Variants in MRC1 observed in about 807,000 individuals in gnomAD.
MRC1 encodes the protein mannose receptor C-type 1.
In MRC1, 62 loss-of-function variants were observed where a neutral mutation model predicts 102.9. The ratio of observed to expected loss-of-function variants is 0.60; its 90% CI spans 0.49 to 0.74. The LOEUF is 0.74. MRC1 is among the 30% of genes least tolerant of loss of function. The pLI is 0.00. For missense variants in MRC1, 1,237 were observed against 862.8 expected, an observed-to-expected ratio of 1.43 and a Z score of -5.43; for synonymous variants, 457 against 298.4, an observed-to-expected ratio of 1.53 and a Z score of -5.48.
In MRC1 at chr10:17,901,341, G is replaced by T. The variant is rs1833825505; in HGVS notation, c.3649+388G>T. ...ATTAGGATCCCAGAAAAGGAAAACAGTGACTTAAAAAAGGAAAGTCACTTT... is the reference window on the plus strand; with the variant it reads ...ATTAGGATCCCAGAAAAGGAAAACATTGACTTAAAAAAGGAAAGTCACTTT... On this transcript the variant is annotated intron_variant, in intron 25 of 29. Transcript: ENST00000569591. Among the ~76,000 whole-genome samples the T allele has an allele frequency of 2.0e-5, 3 of 152,222 alleles. No homozygotes were observed. The South Asian group carries it at 6.2e-4, about 32-fold the overall frequency.
At chr10:17,831,270 A>G (rs1387554772) in intron 3 of MRC1, among the ~76,000 whole-genome samples, 2 of 151,254 alleles carry the variant, frequency 1.3e-5, no homozygotes, top group Admixed American at 1.3e-4. Context: ...ATCTTCAAAT[A>G]TACCCCAAAT....
intron 12 of MRC1, among the ~76,000 whole-genome samples, chr10:17,868,476 C>T (rs1833309534): frequency 6.6e-6 from 1 of 152,214 alleles, no homozygotes; most frequent in African/African-American, 2.4e-5. Context: ...CCAATCACTT[C>T]CCTCCCTCAA....
chr10:17,846,209 G>C (rs1554840219), intron 6 of MRC1, among the ~76,000 whole-genome samples: 1 of 151,678 alleles, frequency 6.6e-6, no homozygotes, highest in East Asian at 1.9e-4. Flanking sequence ...TGCCTGGCCT[G>C]TAACTGAATT....
chr10:17,858,306 T>G (rs2130655807), intron 9 of MRC1, among the ~76,000 whole-genome samples: 2 of 152,306 alleles, frequency 1.3e-5, no homozygotes. Context: ...ACACTAATTC[T>G]TCTTCAGTTT....
In MRC1 at chr10:17,910,572, C is replaced by T; in HGVS notation, c.*107C>T. 1 of 746,738 alleles carries T rather than the reference C, an allele frequency of 1.3e-6. No homozygotes were observed. Among genetic ancestry groups the T allele is most frequent in the East Asian group, 2.4e-5 (1 of 40,856 alleles). 46.3% of individuals were successfully genotyped at this position (746,738 alleles called of 1,614,324 possible). ...TCTTTAAAATGAGTACTGAATTGTA[C>T]TGGTCTGTCCTTTTTTCCTTTGCCT... On this transcript the variant is annotated 3_prime_UTR_variant, in exon 30 of 30. Transcript: ENST00000569591.
At chr10:17,836,686 A>G (rs1361215098) in intron 4 of MRC1, among the ~76,000 whole-genome samples, 2 of 152,006 alleles carry the variant, frequency 1.3e-5, no homozygotes, top group East Asian at 3.9e-4. Flanking sequence ...AATACAAAAA[A>G]TTAGCTGGGC....
intron 4 of MRC1, among the ~76,000 whole-genome samples, chr10:17,835,248 C>G (rs1171306192): frequency 6.6e-6 from 1 of 152,198 alleles, no homozygotes; most frequent in Admixed American, 6.5e-5. Context: ...CTTATTACCA[C>G]TTTTATTAGT....
intron 22 of MRC1, among the ~76,000 whole-genome samples, chr10:17,890,400 A>G (rs1833655570): frequency 6.6e-6 from 1 of 152,166 alleles, no homozygotes; most frequent in South Asian, 2.1e-4. Flanking sequence ...TTATTGCTTC[A>G]AATTATACTT....
rs1239949511 is a variant in MRC1, at chr10:17,849,613, G to C, written c.1098G>C (p.Trp366Cys). Residue 366 changes from tryptophan to cysteine, a missense_variant, in exon 7 of 30, where the codon TGG becomes TGC. By Grantham distance (215) the Trp-to-Cys change is radical. Coordinates refer to ENST00000569591, the MANE Select transcript of MRC1 (RefSeq NM_002438.4). ...TGCCTACTCACTGTCCTAGTCAGTG[G>C]TGGCCGTATGCCGGTCACTGTTACA... ...SDVPTHCPSQ[W>C]WPYAGHCYKI... 1.0e-5 allele frequency: 8 copies of C among 780,692 alleles called. No homozygotes were observed. In the African/African-American group the frequency reaches 1.4e-4, roughly 13 times the overall value. 48.4% of individuals were successfully genotyped at this position (780,692 alleles called of 1,614,324 possible). A position where few individuals can be genotyped will look rare whatever the true frequency, so the allele number is the denominator to read the frequency against.
intron 2 of MRC1, among the ~76,000 whole-genome samples, chr10:17,824,249 T>C (rs938481185): frequency 2.0e-5 from 3 of 152,324 alleles, no homozygotes; most frequent in East Asian, 3.9e-4. Context: ...CTTGAAGGCT[T>C]GTTACAAAGG....
intron 22 of MRC1, among the ~76,000 whole-genome samples, chr10:17,891,307 C>G (rs978543562): frequency 0.029 from 4,426 of 151,896 alleles, 276 homozygotes; most frequent in East Asian, 0.25. Context: ...GCTGGGACTA[C>G]AGGCGCCCGC....
Position 17,906,920 on chromosome 10 carries a change from A to T in MRC1, c.3834A>T (p.Glu1278Asp). The change falls in exon 27 of 30, where the codon GAA (glutamate) becomes GAT (aspartate). Residue 1278 changes from glutamate (E) to aspartate (D), a missense_variant. Coordinates refer to ENST00000569591, the MANE Select transcript of MRC1 (RefSeq NM_002438.4). ...TGGTTTCCATTGAAAGTGCTGCAGAATCCAGTTTTCTGTCATATCGGGTTG... is the reference window on the plus strand; with the variant it reads ...TGGTTTCCATTGAAAGTGCTGCAGATTCCAGTTTTCTGTCATATCGGGTTG... ...SSLVSIESAA[E>D]SSFLSYRVEP... 1.2e-6 allele frequency: 1 copy of T among 813,158 alleles called. No homozygotes were observed. Among genetic ancestry groups the T allele is most frequent in the Non-Finnish European group, 2.2e-6 (1 of 447,714 alleles). 50.4% of individuals were successfully genotyped at this position (813,158 alleles called of 1,614,324 possible).
intron 9 of MRC1, among the ~76,000 whole-genome samples, chr10:17,859,240 T>G (rs2130657456): frequency 6.6e-6 from 1 of 152,352 alleles, no homozygotes; most frequent in South Asian, 2.1e-4. Flanking sequence ...ACATGCTGTT[T>G]TTTTAATAAG....
At chr10:17,828,407 C>T (rs1838517326) in intron 3 of MRC1, among the ~76,000 whole-genome samples, 1 of 151,422 alleles carries the variant, frequency 6.6e-6, no homozygotes, top group Admixed American at 6.6e-5. Flanking sequence ...CTATCAGTTA[C>T]TCAGCGAAAA....
In MRC1 at chr10:17,870,382, T is replaced by C. The variant is rs1187023643; in HGVS notation, c.2111+9T>C. On this transcript the variant is annotated intron_variant, in intron 13 of 29. Coordinates refer to ENST00000569591, the MANE Select transcript of MRC1 (RefSeq NM_002438.4). Reference sequence around the variant, plus strand: ...ATATGGCGATTAATAACGTAAGTGGTATTTTTATGGATTCCTCCTTTTTGT... The same window carrying C: ...ATATGGCGATTAATAACGTAAGTGGCATTTTTATGGATTCCTCCTTTTTGT... The C allele has an allele frequency of 1.3e-6, 1 of 780,178 alleles. No individual in the cohort carries two copies. Among genetic ancestry groups the C allele is most frequent in the Non-Finnish European group, 2.4e-6 (1 of 417,590 alleles). The allele number at this position is 780,178 out of a possible 1,614,324, so 48.3% of individuals were successfully genotyped here.
intron 17 of MRC1, 29 bp from the exon 18 acceptor site, chr10:17,877,871 T>C (rs1402094321): frequency 2.3e-6 from 2 of 871,886 alleles, no homozygotes; most frequent in African/African-American, 3.3e-5. Context: ...GATTCTAAAT[T>C]AAACTATACG....
intron 26 of MRC1, among the ~76,000 whole-genome samples, chr10:17,902,710 T>C (rs1281617623): frequency 6.6e-6 from 1 of 152,198 alleles, no homozygotes; most frequent in Non-Finnish European, 1.5e-5. Context: ...CCAACAGTGG[T>C]ACGCACAGTT....
chr10:17,897,398 C>G (rs920704899), intron 23 of MRC1, among the ~76,000 whole-genome samples: 5 of 152,146 alleles, frequency 3.3e-5, no homozygotes, highest in African/African-American at 9.7e-5. Context: ...GCTCCAACCC[C>G]TAGGTCAGTT....
intron 3 of MRC1, among the ~76,000 whole-genome samples, chr10:17,832,423 C>T (rs1245672199): frequency 6.7e-6 from 1 of 149,704 alleles, no homozygotes; most frequent in Non-Finnish European, 1.5e-5. Context: ...GGCGTGGCGG[C>T]GTGTGCCTGT....
Sources: gnomAD v4.1 joint callset for allele counts (sites outside exome capture counted in the v4.1 genomes callset) on GRCh38, gnomAD v4.1.1 for gene constraint, MANE v1.5 for transcripts, NCBI Gene and HGNC (gene_info 2026-07-23, HGNC 2026-07-21) for gene names.